PRDM16: variants seen among roughly 807,000 people sequenced by gnomAD.
The protein encoded by PRDM16 is histone-lysine N-methyltransferase PRDM16.
Under a neutral mutation model 110.6 loss-of-function variants are expected in PRDM16, and 23 were observed. That is an observed-to-expected ratio of 0.21 (90% CI 0.15 to 0.29). PRDM16 has a LOEUF of 0.29. PRDM16 is among the 10% of genes least tolerant of loss of function. The pLI is 1.00. For synonymous variants in PRDM16, 799 were observed against 781.8 expected (o/e 1.02, Z -0.37); for missense variants, 1,615 against 1,794.3 (o/e 0.90, Z 1.81).
intron 3 of PRDM16, among the ~76,000 whole-genome samples, chr1:3,381,399 G>GT (rs1557643430): frequency 7.4e-5 from 11 of 148,096 alleles, no homozygotes; most frequent in South Asian, 2.1e-4. Flanking sequence ...GTTTTTTTCT[G>GT]GTTTTTTTTT....
intron 1 of PRDM16, among the ~76,000 whole-genome samples, chr1:3,119,964 G>C (rs1244955927): frequency 1.3e-5 from 2 of 152,154 alleles, no homozygotes; most frequent in Admixed American, 6.5e-5. Flanking sequence ...AGGGGGGAGA[G>C]AGGAAGCAGC....
intron 1 of PRDM16, among the ~76,000 whole-genome samples, chr1:3,166,848 C>T (rs1643962757): frequency 6.6e-6 from 1 of 152,240 alleles, no homozygotes; most frequent in South Asian, 2.1e-4. Flanking sequence ...GTGTCTGGCG[C>T]TGGCCGTGCA....
At chr1:3,075,810 T>C (rs1200565895) in intron 1 of PRDM16, among the ~76,000 whole-genome samples, 1 of 152,204 alleles carries the variant, frequency 6.6e-6, no homozygotes, top group Admixed American at 6.5e-5. Flanking sequence ...CCCTTTTTCA[T>C]TCTGGCCTGA....
At chr1:3,181,071 C>CGG (rs1557507823) in intron 1 of PRDM16, among the ~76,000 whole-genome samples, 28 of 90,564 alleles carry the variant, frequency 3.1e-4, no homozygotes, top group African/African-American at 8.4e-4. Context: ...GTCTTACACA[C>CGG]CCGGTCTTAC....
rs1167382499 is a variant in PRDM16 at position 3,285,529 on chromosome 1, A to AAGCTGTGACATGCTCGCTCGGGAGCTTGG, written c.438+41415_438+41443dup. 3.9e-5 allele frequency among the ~76,000 whole-genome samples: 6 copies of AAGCTGTGACATGCTCGCTCGGGAGCTTGG among 152,094 alleles called. No individual in the cohort carries two copies. In the East Asian group the frequency reaches 7.7e-4, roughly 20 times the overall value. On this transcript the variant is annotated intron_variant, in intron 3 of 16. Transcript: ENST00000270722. Reference sequence around the variant, plus strand: ...TCCTGGGAGCAGGCATGCTCCCAGGAAGCTGTGACATGCTCGCTCGGGAGC... The same window carrying AAGCTGTGACATGCTCGCTCGGGAGCTTGG: ...TCCTGGGAGCAGGCATGCTCCCAGGAAGCTGTGACATGCTCGCTCGGGAGCTTGGAGCTGTGACATGCTCGCTCGGGAGC...
intron 3 of PRDM16, among the ~76,000 whole-genome samples, chr1:3,300,900 C>T (rs1414010495): frequency 1.3e-5 from 2 of 152,178 alleles, no homozygotes; most frequent in African/African-American, 2.4e-5. Context: ...CTATCACCCT[C>T]GCTGTGGTGT....
chr1:3,295,092 G>A (rs1641057556), intron 3 of PRDM16, among the ~76,000 whole-genome samples: 1 of 152,164 alleles, frequency 6.6e-6, no homozygotes, highest in South Asian at 2.1e-4. Context: ...TTATTTAAAA[G>A]CCACCTCTGC....
chr1:3,167,403 G>A (rs1430214650), intron 1 of PRDM16, among the ~76,000 whole-genome samples: 1 of 152,114 alleles, frequency 6.6e-6, no homozygotes, highest in Non-Finnish European at 1.5e-5. Flanking sequence ...GGACAAGAGG[G>A]CCTGGTGGCT....
chr1:3,189,497 C>T (rs535312923), intron 2 of PRDM16, among the ~76,000 whole-genome samples: 1 of 152,242 alleles, frequency 6.6e-6, no homozygotes, highest in African/African-American at 2.4e-5. Flanking sequence ...ACAACCCATG[C>T]GTGCGTGTCG....
chr1:3,114,370 A>C (rs1642889996), intron 1 of PRDM16, among the ~76,000 whole-genome samples: 1 of 142,260 alleles, frequency 7.0e-6, no homozygotes, highest in Admixed American at 7.0e-5. Context: ...ACACGCACAC[A>C]CGCAGGTGTA....
chr1:3,298,111 G>C (rs954943615), intron 3 of PRDM16, among the ~76,000 whole-genome samples: 5 of 152,366 alleles, frequency 3.3e-5, no homozygotes, highest in East Asian at 1.9e-4. Flanking sequence ...ACTAGAGAAG[G>C]CTTCTGAGAG....
At chr1:3,332,506 G>A (rs1001929317) in intron 3 of PRDM16, among the ~76,000 whole-genome samples, 3 of 152,108 alleles carry the variant, frequency 2.0e-5, no homozygotes, top group African/African-American at 7.2e-5. Context: ...GGCTTTATGG[G>A]CTGTTGTTTT....
At chr1:3,216,384 C>T (rs576539130) in intron 2 of PRDM16, among the ~76,000 whole-genome samples, 2 of 152,320 alleles carry the variant, frequency 1.3e-5, no homozygotes, top group Admixed American at 1.3e-4. Context: ...AGAGAGGAGA[C>T]CCACAGAGCA....
At chr1:3,393,845 C>A (rs1643337389) in intron 4 of PRDM16, among the ~76,000 whole-genome samples, 1 of 152,152 alleles carries the variant, frequency 6.6e-6, no homozygotes, top group African/African-American at 2.4e-5. Context: ...AGGTCGGGGA[C>A]CCCCGCCCCC....
chr1:3,159,708 T>C (rs1001679611), intron 1 of PRDM16, among the ~76,000 whole-genome samples: 8 of 152,186 alleles, frequency 5.3e-5, no homozygotes, highest in African/African-American at 1.4e-4. Flanking sequence ...GGAGTCCAGG[T>C]GGCCTGATCC....
At chr1:3,349,576 C>A (rs1017574473) in intron 3 of PRDM16, among the ~76,000 whole-genome samples, 2 of 152,166 alleles carry the variant, frequency 1.3e-5, no homozygotes, top group African/African-American at 4.8e-5. Context: ...GGCAGCTGAC[C>A]CCTCTTTCCC....
At chr1:3,274,009 A>G (rs1557573797) in intron 3 of PRDM16, among the ~76,000 whole-genome samples, 1 of 151,724 alleles carries the variant, frequency 6.6e-6, no homozygotes, top group African/African-American at 2.4e-5. Flanking sequence ...AGCCACTGAA[A>G]GGGAACCAGC....
chr1:3,403,127 C>A (rs1643503034), intron 6 of PRDM16, 129 bp downstream of exon 6: 2 of 861,678 alleles, frequency 2.3e-6, no homozygotes, highest in Admixed American at 2.2e-5. Context: ...CAGGTGTAGA[C>A]AAAGGGCCCC....
chr1:3,312,907 C>T (rs12138933), intron 3 of PRDM16, among the ~76,000 whole-genome samples: 1,656 of 152,286 alleles, frequency 0.011, 21 homozygotes, highest in Non-Finnish European at 0.015. Context: ...GGTCCACACA[C>T]GGATACGTGT....
Sources: allele counts gnomAD v4.1 joint callset (sites outside exome capture counted in the v4.1 genomes callset), GRCh38; gene constraint gnomAD v4.1.1; transcripts MANE v1.5; gene names NCBI Gene and HGNC (gene_info 2026-07-23, HGNC 2026-07-21).